NHSL2: variants seen among roughly 807,000 people sequenced by gnomAD.
NHSL2 encodes NHS like 2.
A neutral mutation model predicts 53.4 loss-of-function variants in NHSL2; 27 were observed. The ratio of observed to expected loss-of-function variants is 0.51; its 90% CI spans 0.37 to 0.70. NHSL2 has a LOEUF of 0.70. Ranked by LOEUF, NHSL2 falls within the 30% of genes least tolerant of loss-of-function variation. The probability of loss-of-function intolerance (pLI) is 0.00; values close to 1 mark genes in which losing one functional copy is unlikely to be tolerated. For synonymous variants in NHSL2, 408 were observed against 404.1 expected (o/e 1.01, Z -0.12); for missense variants, 892 against 980.1 (o/e 0.91, Z 1.20).
At chrX:72,070,844 G>A (rs745354971) in intron 1 of NHSL2, among the ~76,000 whole-genome samples, 1 of 110,969 alleles carries the variant, frequency 9.0e-6, no homozygotes, top group East Asian at 2.8e-4. Flanking sequence ...TCACCATTCG[G>A]GCCTGTGAGA....
At chrX:72,142,456 A>G in intron 7 of NHSL2, 92 bp downstream of exon 7, 1 of 697,728 alleles carries the variant, frequency 1.4e-6, no homozygotes, top group Non-Finnish European at 2.0e-6. Flanking sequence ...TCCTAATTGT[A>G]AAAGAAAAAG....
chrX:72,088,554 T>A (rs2147439775), intron 1 of NHSL2, among the ~76,000 whole-genome samples: 1 of 112,030 alleles, frequency 8.9e-6, no homozygotes, highest in Admixed American at 9.5e-5. Flanking sequence ...AACTCCCACA[T>A]GGGTCTCCGT....
chrX:71,918,360 AT>A (rs201663104), intron 1 of NHSL2, among the ~76,000 whole-genome samples: 22 of 97,664 alleles, frequency 2.3e-4, no homozygotes, highest in African/African-American at 9.4e-4. Flanking sequence ...GAAAATCAGA[AT>A]TTTTTTTTTT....
chrX:72,052,123 A>T (rs2042343950), intron 1 of NHSL2, among the ~76,000 whole-genome samples: 1 of 112,385 alleles, frequency 8.9e-6, no homozygotes, highest in Non-Finnish European at 1.9e-5. Flanking sequence ...TCAACAAACT[A>T]AACAAATGTG....
intron 1 of NHSL2, among the ~76,000 whole-genome samples, chrX:71,977,257 A>T (rs1602289765): frequency 8.9e-6 from 1 of 112,069 alleles, no homozygotes; most frequent in Admixed American, 9.5e-5. Context: ...GTAAAGTGGC[A>T]GATAATAATA....
Position 72,117,818 on chromosome X carries a change from TTTTATTTA to T in NHSL2, c.281-14227_281-14220del, listed in dbSNP as rs779724895. ...ATTCCATTGTATGGATAGACCACAT[TTTTATTTA>T]TTTATTTATTTATTTATTTATTTAT... is the stretch of plus-strand genomic sequence containing the variant. On this transcript the variant is annotated intron_variant, in intron 1 of 7. Transcript: ENST00000633930. Among the ~76,000 whole-genome samples the T allele has an allele frequency of 2.9e-3, 280 of 95,492 alleles. 1 individual carries two copies. The highest frequency in any genetic ancestry group is 7.2e-3 in the East Asian group (24 of 3,327). 82.9% of individuals were successfully genotyped at this position (95,492 alleles called of 115,157 possible).
rs762866975 is a variant in NHSL2, at chrX:72,132,121, A to C, written c.323A>C (p.His108Pro). ...CGGGAAAATGCGACAGCGACTGCCC[A>C]CTCGAGGTCGTCATGGCGACAGCCA... ...SGRENATATA[H>P]SRSSWRQPVN... Residue 108 changes from histidine (H) to proline (P), a missense_variant, in exon 2 of 8, where the codon CAC (histidine) becomes CCC (proline). Transcript: ENST00000633930. 480 of 1,164,718 alleles carry C rather than the reference A, an allele frequency of 4.1e-4. 4 individuals carry two copies. In the African/African-American group the frequency reaches 7.7e-3, roughly 19 times the overall value.
chrX:72,049,489 G>A (rs1429879095), intron 1 of NHSL2, among the ~76,000 whole-genome samples: 1 of 110,612 alleles, frequency 9.0e-6, no homozygotes, highest in Non-Finnish European at 1.9e-5. Context: ...CCCAGTGCCC[G>A]GAGTGGGTGA....
chrX:71,994,298 C>CTGTGTGTGTG (rs10673341), intron 1 of NHSL2, among the ~76,000 whole-genome samples: 315 of 90,067 alleles, frequency 3.5e-3, no homozygotes, highest in Middle Eastern at 0.011. Context: ...GAGGCTCCCT[C>CTGTGTGTGTG]TGTGTGTGTG....
rs2042482023 is a variant in NHSL2, at chrX:72,148,660, TG to T, written c.*5090del. 1 of 111,659 alleles carries T rather than the reference TG, an allele frequency of 9.0e-6. No homozygotes were observed. The highest frequency in any genetic ancestry group is 3.3e-5 in the African/African-American group (1 of 30,643). 9.2% of individuals were successfully genotyped at this position (111,659 alleles called of 1,213,427 possible). A position where few individuals can be genotyped will look rare whatever the true frequency, so the allele number is the denominator to read the frequency against. Reference sequence around the variant, plus strand: ...TAGTAAATAGTTATAGACACACATTTGGGGCATTTTTAATAAGGTTAGCAAG... The same window carrying T: ...TAGTAAATAGTTATAGACACACATTTGGGCATTTTTAATAAGGTTAGCAAG... On this transcript the variant is annotated 3_prime_UTR_variant, in exon 8 of 8. Transcript: ENST00000633930.
intron 1 of NHSL2, among the ~76,000 whole-genome samples, chrX:72,081,704 G>A (rs1427515617): frequency 1.8e-5 from 2 of 112,232 alleles, no homozygotes; most frequent in African/African-American, 6.5e-5. Flanking sequence ...GTGAAAGTCC[G>A]GATTTATTTC....
In NHSL2 at chrX:71,935,345, C is replaced by T. The variant is rs756842058; in HGVS notation, c.280+23978C>T. Among the ~76,000 whole-genome samples, 7 of 112,340 alleles carry T rather than the reference C, an allele frequency of 6.2e-5. No individual in the cohort carries two copies. In the South Asian group the frequency reaches 2.6e-3, roughly 42 times the overall value. Reference sequence around the variant, plus strand: ...CTAGGTGGTCTGAAGGGCCTTTTATCCTATCAGAGTGGTTTCCAGCCTAGG... The same window carrying T: ...CTAGGTGGTCTGAAGGGCCTTTTATTCTATCAGAGTGGTTTCCAGCCTAGG... On this transcript the variant is annotated intron_variant, in intron 1 of 7. Transcript: ENST00000633930.
At chrX:72,082,744 A>C (rs914000350) in intron 1 of NHSL2, among the ~76,000 whole-genome samples, 3 of 111,787 alleles carry the variant, frequency 2.7e-5, no homozygotes, top group African/African-American at 9.8e-5. Context: ...TTTTATAAAC[A>C]CTTGAGCCTC....
intron 1 of NHSL2, among the ~76,000 whole-genome samples, chrX:72,059,544 C>G (rs914315464): frequency 2.4e-4 from 27 of 112,308 alleles, no homozygotes; most frequent in African/African-American, 8.7e-4. Flanking sequence ...TCAAAACGTC[C>G]TCTTTGCCTA....
At chrX:72,112,763 T>C (rs1465627518) in intron 1 of NHSL2, among the ~76,000 whole-genome samples, 5 of 111,526 alleles carry the variant, frequency 4.5e-5, no homozygotes, top group African/African-American at 1.6e-4. Context: ...GATCTTGGCT[T>C]ACTGCAACTT....
At chrX:72,006,095 T>A (rs764964551) in intron 1 of NHSL2, among the ~76,000 whole-genome samples, 1 of 112,106 alleles carries the variant, frequency 8.9e-6, no homozygotes, top group East Asian at 2.8e-4. Flanking sequence ...TCATTTCTGT[T>A]CCCATGGTTA....
rs1279029462 is a variant in NHSL2, at chrX:72,137,075, G to A, written c.761-19G>A. The A allele has an allele frequency of 4.3e-6, 5 of 1,161,865 alleles. No homozygotes were observed. The Admixed American group carries it at 1.3e-4, about 30-fold the overall frequency. On this transcript the variant is annotated intron_variant, in intron 4 of 7. Transcript: ENST00000633930. ...AACAGAAACCAGGATGCACCCAAGTGTCTTTATTTTGGCTACAGGGCAGCA... is the reference window on the plus strand; with the variant it reads ...AACAGAAACCAGGATGCACCCAAGTATCTTTATTTTGGCTACAGGGCAGCA...
At chrX:71,975,457 T>C (rs1435861108) in intron 1 of NHSL2, among the ~76,000 whole-genome samples, 1 of 110,681 alleles carries the variant, frequency 9.0e-6, no homozygotes, top group Non-Finnish European at 1.9e-5. Context: ...TCTCTTCCTT[T>C]CCCCTCTCTC....
At chrX:71,951,040 A>ACACACACACAC (rs35096488) in intron 1 of NHSL2, among the ~76,000 whole-genome samples, 4 of 109,912 alleles carry the variant, frequency 3.6e-5, no homozygotes, top group East Asian at 2.9e-4. Context: ...ACACACACAC[A>ACACACACACAC]AATACCTGGC....
Sources: allele counts gnomAD v4.1 joint callset (sites outside exome capture counted in the v4.1 genomes callset), GRCh38; gene constraint gnomAD v4.1.1; transcripts MANE v1.5; gene names NCBI Gene and HGNC (gene_info 2026-07-23, HGNC 2026-07-21).